The following PLCXD3 variants were observed in gnomAD, a reference collection of about 807,000 sequenced individuals.
The protein encoded by PLCXD3 is phosphatidylinositol specific phospholipase C X domain containing 3.
Under a neutral mutation model 25.5 loss-of-function variants are expected in PLCXD3, and 19 were observed. The observed-to-expected ratio is 0.75, with a 90% CI of 0.52 to 1.09. The LOEUF (loss-of-function observed/expected upper bound fraction) is 1.09, where lower values mean the gene tolerates loss of function less well. Ranked by LOEUF, PLCXD3 falls within the 50% of genes least tolerant of loss-of-function variation. The pLI is 0.00. For synonymous variants in PLCXD3, 174 were observed against 137.6 expected, an observed-to-expected ratio of 1.26 and a Z score of -1.85; for missense variants, 411 against 388.1, an observed-to-expected ratio of 1.06 and a Z score of -0.50.
chr5:41,503,965 ATG>A (rs72485445), intron 1 of PLCXD3, among the ~76,000 whole-genome samples: 18,562 of 146,676 alleles, frequency 0.13, 1,763 homozygotes, highest in African/African-American at 0.28. Context: ...AGGAATTAAA[ATG>A]TGTGTGTGTG....
chr5:41,474,950 G>T (rs761923922), intron 1 of PLCXD3, among the ~76,000 whole-genome samples: 2 of 152,132 alleles, frequency 1.3e-5, no homozygotes, highest in African/African-American at 4.8e-5. Flanking sequence ...TCTGCAATCC[G>T]CATTTGCATT....
Position 41,382,285 on chromosome 5 carries a change from C to T in PLCXD3, c.353G>A (p.Ser118Asn). Residue 118 changes from serine (S) to asparagine (N), a missense_variant, in exon 2 of 3, where the codon AGT (serine) becomes AAT (asparagine). Transcript: ENST00000377801. ...NELYFAHGLF[S>N]AKVNEGLEEI... ...CTCAAGGCCTTCATTGACTTTGGCA[C>T]TGAACAAACCATGAGCAAAATAGAG... 1 of 1,613,652 alleles carries T rather than the reference C, an allele frequency of 6.2e-7. No homozygotes were observed. The highest frequency in any genetic ancestry group is 2.2e-5 in the East Asian group (1 of 44,826).
At chr5:41,416,078 A>C (rs1393578118) in intron 1 of PLCXD3, among the ~76,000 whole-genome samples, 1 of 152,190 alleles carries the variant, frequency 6.6e-6, no homozygotes, top group African/African-American at 2.4e-5. Flanking sequence ...AAACAAGCTC[A>C]AAGAGGGAGA....
intron 1 of PLCXD3, among the ~76,000 whole-genome samples, chr5:41,490,477 T>C (rs1436088860): frequency 6.6e-6 from 1 of 152,154 alleles, no homozygotes; most frequent in African/African-American, 2.4e-5. Context: ...ATTCCCTCTT[T>C]TTCTATTGTT....
intron 1 of PLCXD3, among the ~76,000 whole-genome samples, chr5:41,485,468 C>T (rs1748498192): frequency 6.6e-6 from 1 of 152,166 alleles, no homozygotes; most frequent in South Asian, 2.1e-4. Flanking sequence ...GAGACCCCCT[C>T]CTTCATGTAT....
chr5:41,406,580 A>T (rs1441139943), intron 1 of PLCXD3, among the ~76,000 whole-genome samples: 2 of 152,072 alleles, frequency 1.3e-5, no homozygotes, highest in Non-Finnish European at 2.9e-5. Flanking sequence ...GTACTGTGTC[A>T]TGGTAAATAC....
At chr5:41,450,209 A>G (rs941865507) in intron 1 of PLCXD3, among the ~76,000 whole-genome samples, 2 of 152,162 alleles carry the variant, frequency 1.3e-5, no homozygotes, top group East Asian at 1.9e-4. Flanking sequence ...AGGGTGCTGT[A>G]TAAAGACTGA....
intron 2 of PLCXD3, among the ~76,000 whole-genome samples, chr5:41,353,404 A>G (rs1167936284): frequency 2.0e-5 from 3 of 152,060 alleles, no homozygotes; most frequent in African/African-American, 7.2e-5. Context: ...CCCTGCCTAC[A>G]CACTCAGCTT....
chr5:41,472,648 A>G (rs371583721), intron 1 of PLCXD3, among the ~76,000 whole-genome samples: 1 of 152,342 alleles, frequency 6.6e-6, no homozygotes, highest in East Asian at 1.9e-4. Context: ...TAGGCTTGTC[A>G]TGTTGTTCTA....
At chr5:41,471,781 C>CCTTCT (rs1748164426) in intron 1 of PLCXD3, among the ~76,000 whole-genome samples, 1 of 18,792 alleles carries the variant, frequency 5.3e-5, no homozygotes, top group Non-Finnish European at 1.5e-4. Context: ...CTTTTCAAGA[C>CCTTCT]CTTCCCTTCC....
chr5:41,431,977 A>G (rs1747119924), intron 1 of PLCXD3, among the ~76,000 whole-genome samples: 1 of 152,180 alleles, frequency 6.6e-6, no homozygotes, highest in Non-Finnish European at 1.5e-5. Context: ...CTTGAGCAAG[A>G]GGACCACGCA....
At chr5:41,329,244 T>C (rs1330238436) in intron 2 of PLCXD3, among the ~76,000 whole-genome samples, 1 of 152,204 alleles carries the variant, frequency 6.6e-6, no homozygotes, top group East Asian at 1.9e-4. Flanking sequence ...CTTTCATCTT[T>C]CAGGTGAAAG....
At chr5:41,480,958 T>C (rs995130450) in intron 1 of PLCXD3, among the ~76,000 whole-genome samples, 4 of 151,808 alleles carry the variant, frequency 2.6e-5, no homozygotes, top group Non-Finnish European at 5.9e-5. Flanking sequence ...AGTGGAAATA[T>C]CAGTTGAAGC....
chr5:41,508,275 C>A lies in PLCXD3; in HGVS notation c.103+2149G>T, dbSNP rs114007558. ...CTCAGGTTTTTATTTTGTCCCAGGG[C>A]AGGAAAGGAAAATTACTGTGTTCCC... On this transcript the variant is annotated intron_variant, in intron 1 of 2. Transcript: ENST00000377801. Among the ~76,000 whole-genome samples, 919 of 152,252 alleles carry A rather than the reference C, an allele frequency of 6.0e-3. 4 individuals carry two copies. Among genetic ancestry groups the A allele is most frequent in the Middle Eastern group, 0.017 (5 of 294 alleles).
At chr5:41,346,047 T>C (rs972477366) in intron 2 of PLCXD3, among the ~76,000 whole-genome samples, 5 of 151,988 alleles carry the variant, frequency 3.3e-5, no homozygotes, top group Admixed American at 3.3e-4. Context: ...GCCTGGCTAA[T>C]TTTTTGTATT....
intron 1 of PLCXD3, among the ~76,000 whole-genome samples, chr5:41,494,060 T>C (rs1392137068): frequency 6.6e-6 from 1 of 152,220 alleles, no homozygotes; most frequent in Non-Finnish European, 1.5e-5. Flanking sequence ...ACCAGAGCTG[T>C]TCCTATTCAG....
intron 1 of PLCXD3, among the ~76,000 whole-genome samples, chr5:41,471,625 T>C (rs1748159998): frequency 6.6e-6 from 1 of 152,012 alleles, no homozygotes; most frequent in Non-Finnish European, 1.5e-5. Context: ...CAATAAGAAA[T>C]CATCTGAAGG....
At chr5:41,356,754 A>G (rs1744630824) in intron 2 of PLCXD3, among the ~76,000 whole-genome samples, 1 of 152,174 alleles carries the variant, frequency 6.6e-6, no homozygotes, top group South Asian at 2.1e-4. Flanking sequence ...TGACCCCCCA[A>G]AGATAAAACA....
intron 1 of PLCXD3, among the ~76,000 whole-genome samples, chr5:41,441,474 C>G (rs1476874885): frequency 6.6e-6 from 1 of 152,084 alleles, no homozygotes. Flanking sequence ...ATTTTATGGC[C>G]AAAATTAGTT....
Sources: allele counts gnomAD v4.1 joint callset (sites outside exome capture counted in the v4.1 genomes callset), GRCh38; gene constraint gnomAD v4.1.1; transcripts MANE v1.5; gene names NCBI Gene and HGNC (gene_info 2026-07-23, HGNC 2026-07-21).